ADARB2: variants seen among roughly 807,000 people sequenced by gnomAD.
ADARB2 encodes adenosine deaminase RNA specific B2 (inactive), also known as inactive double-stranded RNA-specific editase B2.
In ADARB2, 25 loss-of-function variants were observed where a neutral mutation model predicts 62.2. The ratio of observed to expected loss-of-function variants is 0.40; its 90% CI spans 0.29 to 0.56. ADARB2 has a LOEUF of 0.56. Among genes scored for constraint, ADARB2 ranks in the 20% least tolerant of loss-of-function variants. ADARB2 has a pLI of 0.43. For missense variants in ADARB2, 1,071 were observed against 1,077.4 expected (o/e 0.99, Z 0.08); for synonymous variants, 572 against 500.8 (o/e 1.14, Z -1.90).
At chr10:1,263,248 T>A (rs999627293) in intron 4 of ADARB2, among the ~76,000 whole-genome samples, 2 of 152,110 alleles carry the variant, frequency 1.3e-5, no homozygotes, top group African/African-American at 2.4e-5. Flanking sequence ...AACCTGCACG[T>A]TGTGCACATG....
Position 1,647,800 on chromosome 10 carries a change from A to G in ADARB2, c.100+89251T>C, listed in dbSNP as rs111519344. On this transcript the variant is annotated intron_variant, in intron 1 of 9. Transcript: ENST00000381312. Reference sequence around the variant, plus strand: ...TGTGTATATATGTGTATGCATGTGTATATGTGTGTGTGTATGCATGTGTGT... The same window carrying G: ...TGTGTATATATGTGTATGCATGTGTGTATGTGTGTGTGTATGCATGTGTGT... Among the ~76,000 whole-genome samples the G allele has an allele frequency of 3.1e-3, 441 of 140,548 alleles. 3 individuals carry two copies. Among genetic ancestry groups the G allele is most frequent in the African/African-American group, 0.011 (416 of 39,434 alleles). 92.2% of individuals were successfully genotyped at this position (140,548 alleles called of 152,430 possible).
chr10:1,513,387 G>C (rs962070209), intron 1 of ADARB2, among the ~76,000 whole-genome samples: 1 of 152,166 alleles, frequency 6.6e-6, no homozygotes, highest in Non-Finnish European at 1.5e-5. Flanking sequence ...TCCTGAAGCC[G>C]GCAGCGCCCT....
intron 3 of ADARB2, among the ~76,000 whole-genome samples, chr10:1,278,544 G>C (rs556900265): frequency 7.3e-5 from 11 of 150,916 alleles, no homozygotes; most frequent in Non-Finnish European, 1.5e-4. Flanking sequence ...CTGTTAATTC[G>C]TTTAGGATGA....
chr10:1,578,920 G>A lies in ADARB2; in HGVS notation c.100+158131C>T, dbSNP rs376172807. ...CCCCATGCGCCTGGTGAGGCTGGGC[G>A]CTGGGGTCTGGGGTGGGACACAGAG... On this transcript the variant is annotated intron_variant, in intron 1 of 9. Transcript: ENST00000381312. Among the ~76,000 whole-genome samples, 115 of 152,320 alleles carry A rather than the reference G, an allele frequency of 7.5e-4. 1 individual carries two copies. Among genetic ancestry groups the A allele is most frequent in the Admixed American group, 9.2e-4 (14 of 15,300 alleles).
intron 1 of ADARB2, among the ~76,000 whole-genome samples, chr10:1,512,577 A>G (rs967174345): frequency 6.6e-6 from 1 of 152,250 alleles, no homozygotes; most frequent in Non-Finnish European, 1.5e-5. Flanking sequence ...AGCTATTTCC[A>G]AATAAATCCA....
At chr10:1,498,575 G>A (rs1335094629) in intron 1 of ADARB2, among the ~76,000 whole-genome samples, 2 of 151,724 alleles carry the variant, frequency 1.3e-5, no homozygotes, top group East Asian at 3.9e-4. Flanking sequence ...AACCAAAAGT[G>A]GAAATCATCC....
intron 8 of ADARB2, among the ~76,000 whole-genome samples, chr10:1,192,463 A>G (rs17156075): frequency 0.031 from 4,681 of 152,310 alleles, 251 homozygotes; most frequent in African/African-American, 0.11. Context: ...CTAACTTCTA[A>G]GGCTGTATTA....
chr10:1,553,195 T>A (rs758435879), intron 1 of ADARB2, among the ~76,000 whole-genome samples: 15 of 152,230 alleles, frequency 9.9e-5, no homozygotes, highest in Non-Finnish European at 1.2e-4. Flanking sequence ...ACCAAAAAAA[T>A]GTCACTGTGC....
intron 3 of ADARB2, among the ~76,000 whole-genome samples, chr10:1,304,120 C>G (rs956214916): frequency 6.6e-6 from 1 of 151,558 alleles, no homozygotes; most frequent in African/African-American, 2.4e-5. Flanking sequence ...GTGCTGTATT[C>G]AGGAAACCCA....
At chr10:1,367,663 AC>A (rs1340515097) in intron 2 of ADARB2, among the ~76,000 whole-genome samples, 2 of 152,012 alleles carry the variant, frequency 1.3e-5, no homozygotes, top group Admixed American at 1.3e-4. Flanking sequence ...AACAAGATCA[AC>A]CCCCCAACCC....
chr10:1,235,275 G>T (rs1436572597), intron 5 of ADARB2, among the ~76,000 whole-genome samples: 7 of 135,542 alleles, frequency 5.2e-5, no homozygotes, highest in African/African-American at 1.1e-4. Flanking sequence ...GTGGAGAACC[G>T]TGGCGAAACG....
At chr10:1,730,245 G>A (rs1252705919) in intron 1 of ADARB2, among the ~76,000 whole-genome samples, 1 of 152,206 alleles carries the variant, frequency 6.6e-6, no homozygotes, top group Non-Finnish European at 1.5e-5. Flanking sequence ...AAGACGTGCA[G>A]TGATGAACGT....
Position 1,276,120 on chromosome 10 carries a change from C to T in ADARB2, c.1078-5051G>A, listed in dbSNP as rs577803166. Among the ~76,000 whole-genome samples, 656 of 152,166 alleles carry T rather than the reference C, an allele frequency of 4.3e-3. 7 individuals carry two copies. Among genetic ancestry groups the T allele is most frequent in the African/African-American group, 0.015 (621 of 41,498 alleles). Reference sequence around the variant, plus strand: ...ATGGTTGAACTAGTTTACAGTCCCACCAACAGTGTAAAAGTGTTCCTATTT... The same window carrying T: ...ATGGTTGAACTAGTTTACAGTCCCATCAACAGTGTAAAAGTGTTCCTATTT... On this transcript the variant is annotated intron_variant, in intron 3 of 9. Transcript: ENST00000381312.
intron 1 of ADARB2, among the ~76,000 whole-genome samples, chr10:1,384,281 A>G (rs1832508000): frequency 1.3e-5 from 2 of 152,240 alleles, no homozygotes; most frequent in African/African-American, 4.8e-5. Context: ...CCATTAGCAG[A>G]GTGGGGCACA....
chr10:1,394,612 G>A (rs781673081), intron 1 of ADARB2, among the ~76,000 whole-genome samples: 6 of 152,212 alleles, frequency 3.9e-5, no homozygotes, highest in African/African-American at 7.2e-5. Flanking sequence ...ACGGAGGTTC[G>A]TGTGACCAGT....
intron 1 of ADARB2, among the ~76,000 whole-genome samples, chr10:1,573,194 T>C (rs1472543530): frequency 6.6e-6 from 1 of 152,186 alleles, no homozygotes; most frequent in Non-Finnish European, 1.5e-5. Context: ...GGTGGGCCTG[T>C]CCCTGTCACT....
chr10:1,240,838 A>G (rs1248866180), intron 5 of ADARB2, among the ~76,000 whole-genome samples: 1 of 152,230 alleles, frequency 6.6e-6, no homozygotes, highest in Non-Finnish European at 1.5e-5. Context: ...GAGCAGGTGG[A>G]CATTTAGGAG....
At chr10:1,433,579 C>T (rs2131891005) in intron 1 of ADARB2, among the ~76,000 whole-genome samples, 1 of 152,274 alleles carries the variant, frequency 6.6e-6, no homozygotes, top group East Asian at 1.9e-4. Context: ...GCCAAGATCA[C>T]ATCCATAGAT....
At chr10:1,280,560 G>A (rs1831360915) in intron 3 of ADARB2, among the ~76,000 whole-genome samples, 1 of 151,022 alleles carries the variant, frequency 6.6e-6, no homozygotes, top group Non-Finnish European at 1.5e-5. Context: ...CCTAAGTGAT[G>A]CTCCGTGAAA....
Sources: gnomAD v4.1 joint callset for allele counts (sites outside exome capture counted in the v4.1 genomes callset) on GRCh38, gnomAD v4.1.1 for gene constraint, MANE v1.5 for transcripts, NCBI Gene and HGNC (gene_info 2026-07-23, HGNC 2026-07-21) for gene names.